CRISPLD2: variants seen among roughly 807,000 people sequenced by gnomAD.
The protein encoded by CRISPLD2 is cysteine-rich secretory protein LCCL domain-containing 2.
A neutral mutation model predicts 71.1 loss-of-function variants in CRISPLD2; 47 were observed. The observed-to-expected ratio is 0.66, with a 90% confidence interval of 0.52 to 0.84. The LOEUF is 0.84. CRISPLD2 is among the 40% of genes least tolerant of loss of function. The pLI, the probability that CRISPLD2 is intolerant of heterozygous loss-of-function variation, is 0.00. For missense variants in CRISPLD2, 830 were observed against 651.1 expected (o/e 1.27, Z -2.99); for synonymous variants, 317 against 250.1 (o/e 1.27, Z -2.52).
chr16:84,895,278 A>G (rs939670054), intron 14 of CRISPLD2, among the ~76,000 whole-genome samples: 2 of 152,190 alleles, frequency 1.3e-5, no homozygotes, highest in Non-Finnish European at 2.9e-5. Flanking sequence ...ACCAGAATCC[A>G]TGCTTTTAAG....
intron 5 of CRISPLD2, among the ~76,000 whole-genome samples, chr16:84,852,554 G>T (rs1026715075): frequency 6.6e-6 from 1 of 152,184 alleles, no homozygotes; most frequent in African/African-American, 2.4e-5. Context: ...ATATTACTGC[G>T]TGCTGTCCAT....
rs1205142794 is a variant in CRISPLD2, at chr16:84,863,324, C to T, written c.710-3573C>T. 3.3e-5 allele frequency among the ~76,000 whole-genome samples: 5 copies of T among 152,182 alleles called. No individual in the cohort carries two copies. The South Asian group carries it at 1.0e-3, about 32-fold the overall frequency. ...TTTTGGTAGAAAGTATCCAACTTTC[C>T]TTGGCAGACACCCAATTTCTCTAGC... is the stretch of plus-strand genomic sequence containing the variant. On this transcript the variant is annotated intron_variant, in intron 6 of 14. Coordinates refer to ENST00000262424, the MANE Select transcript of CRISPLD2 (RefSeq NM_031476.4).
At chr16:84,834,490 G>C (rs1450939949) in intron 1 of CRISPLD2, among the ~76,000 whole-genome samples, 3 of 152,252 alleles carry the variant, frequency 2.0e-5, no homozygotes, top group Non-Finnish European at 4.4e-5. Context: ...ATTGGTTTGT[G>C]GCTTTGGCAG....
At chr16:84,846,830 C>G (rs1220673056) in intron 3 of CRISPLD2, among the ~76,000 whole-genome samples, 1 of 152,220 alleles carries the variant, frequency 6.6e-6, no homozygotes. Context: ...TGTCCCCTCT[C>G]CCATAGGAGG....
At chr16:84,836,326 G>C (rs1332354605) in intron 1 of CRISPLD2, 1 of 152,150 alleles carries the variant, frequency 6.6e-6, no homozygotes, top group Non-Finnish European at 1.5e-5. Flanking sequence ...CTTTGAGCCT[G>C]GCCGCCTGCA....
At position 84,845,774 on chromosome 16, in the gene CRISPLD2, C is replaced by A; in HGVS notation, c.241-12C>A. The stretch of plus-strand genomic sequence containing the variant: ...CCTCACCTCCTGGTGCCCGTTTCTC[C>A]TTCTCCTGCAGACCTGGGATGACGA... On this transcript the variant is annotated splice_polypyrimidine_tract_variant and intron_variant, in intron 2 of 14. Transcript: ENST00000262424. 6.3e-7 allele frequency: 1 copy of A among 1,596,540 alleles called. No homozygotes were observed. The highest frequency in any genetic ancestry group is 1.1e-5 in the South Asian group (1 of 90,404).
At position 84,880,428 on chromosome 16, in the gene CRISPLD2, G is replaced by A. The variant is rs1317649313; in HGVS notation, c.1230-81G>A. ...CTTTCATCTACGAACTTAAATCTTG[G>A]AATTCAAATAAAGAGAGCCAGCTTA... is the stretch of plus-strand genomic sequence containing the variant. On this transcript the variant is annotated intron_variant, in intron 12 of 14. Coordinates refer to ENST00000262424, the MANE Select transcript of CRISPLD2 (RefSeq NM_031476.4). The A allele has an allele frequency of 9.9e-6, 11 of 1,106,686 alleles. No homozygotes were observed. The South Asian group carries it at 1.9e-4, about 19-fold the overall frequency. 68.6% of individuals were successfully genotyped at this position (1,106,686 alleles called of 1,614,324 possible).
chr16:84,871,870 GAAAAAAAAA>G (rs56328159), intron 8 of CRISPLD2, among the ~76,000 whole-genome samples: 9 of 100,056 alleles, frequency 9.0e-5, no homozygotes, highest in African/African-American at 1.8e-4. Context: ...TTTCAAATGA[GAAAAAAAAA>G]AAAAAAAAAA....
At chr16:84,880,933 A>G (rs903718129) in intron 13 of CRISPLD2, among the ~76,000 whole-genome samples, 1 of 151,966 alleles carries the variant, frequency 6.6e-6, no homozygotes, top group African/African-American at 2.4e-5. Flanking sequence ...TCGAACTCCC[A>G]ACCTCAGATG....
intron 7 of CRISPLD2, 68 bp from the exon 8 acceptor site, chr16:84,868,783 C>T: frequency 1.6e-6 from 2 of 1,244,664 alleles, no homozygotes; most frequent in East Asian, 2.3e-5. Context: ...TGTCCCTCAG[C>T]ATGGGGAAGG....
At chr16:84,851,311 G>C (rs1467758623) in intron 5 of CRISPLD2, among the ~76,000 whole-genome samples, 1 of 152,242 alleles carries the variant, frequency 6.6e-6, no homozygotes, top group Non-Finnish European at 1.5e-5. Flanking sequence ...CAGCTCATCA[G>C]TGTGGTGTCC....
intron 13 of CRISPLD2, among the ~76,000 whole-genome samples, chr16:84,881,912 T>G (rs2071571764): frequency 6.6e-6 from 1 of 152,228 alleles, no homozygotes; most frequent in African/African-American, 2.4e-5. Context: ...CTGGGCTCTG[T>G]AAGGTCAGAG....
intron 8 of CRISPLD2, 135 bp downstream of exon 8, chr16:84,869,046 C>T (rs977661687): frequency 1.1e-5 from 8 of 744,268 alleles, no homozygotes; most frequent in Admixed American, 3.3e-5. Context: ...GCAGGCAGAA[C>T]AGGGGTTAGG....
At chr16:84,840,390 G>C (rs1400796244) in intron 2 of CRISPLD2, among the ~76,000 whole-genome samples, 3 of 152,196 alleles carry the variant, frequency 2.0e-5, no homozygotes, top group African/African-American at 7.2e-5. Flanking sequence ...CATCTTTAAA[G>C]GACTTGTACA....
At chr16:84,891,670 G>A (rs988408723) in intron 14 of CRISPLD2, among the ~76,000 whole-genome samples, 1 of 152,202 alleles carries the variant, frequency 6.6e-6, no homozygotes, top group African/African-American at 2.4e-5. Flanking sequence ...GCTGGGATTT[G>A]TTCCCTGTCG....
intron 1 of CRISPLD2, among the ~76,000 whole-genome samples, chr16:84,837,342 C>G (rs368926072): frequency 6.6e-6 from 1 of 151,604 alleles, no homozygotes; most frequent in East Asian, 1.9e-4. Flanking sequence ...ATCATCATTT[C>G]GAATTTCAGC....
chr16:84,845,307 C>T (rs1448509904), intron 2 of CRISPLD2, among the ~76,000 whole-genome samples: 1 of 152,078 alleles, frequency 6.6e-6, no homozygotes, highest in Non-Finnish European at 1.5e-5. Context: ...CTGGAACATG[C>T]GTAGTAAGGA....
At chr16:84,897,032 AG>A (rs1468230944) in intron 14 of CRISPLD2, among the ~76,000 whole-genome samples, 2 of 152,080 alleles carry the variant, frequency 1.3e-5, no homozygotes, top group Non-Finnish European at 2.9e-5. Flanking sequence ...AAGGCAATTG[AG>A]GGGGATGCAG....
At chr16:84,905,558 C>G (rs1037945651) in intron 14 of CRISPLD2, among the ~76,000 whole-genome samples, 1 of 151,972 alleles carries the variant, frequency 6.6e-6, no homozygotes, top group Non-Finnish European at 1.5e-5. Flanking sequence ...ACCATCATGC[C>G]TGGCTAATTG....
Sources: allele counts gnomAD v4.1 joint callset (sites outside exome capture counted in the v4.1 genomes callset), GRCh38; gene constraint gnomAD v4.1.1; transcripts MANE v1.5; gene names NCBI Gene and HGNC (gene_info 2026-07-23, HGNC 2026-07-21).